The following ATG13 variants were observed in gnomAD, a reference collection of about 807,000 sequenced individuals.
ATG13 encodes autophagy related 13.
A neutral mutation model predicts 65.5 loss-of-function variants in ATG13; 23 were observed. The ratio of observed to expected loss-of-function variants is 0.35; its 90% CI spans 0.25 to 0.50. The LOEUF (loss-of-function observed/expected upper bound fraction) is 0.50, where lower values mean the gene tolerates loss of function less well. Ranked by LOEUF, ATG13 falls within the 20% of genes least tolerant of loss-of-function variation. ATG13 has a pLI of 0.98. For missense variants in ATG13, 566 were observed against 677.0 expected (o/e 0.84, Z 1.82); for synonymous variants, 252 against 245.2 (o/e 1.03, Z -0.26).
rs2064072809 is a variant in ATG13 at position 46,672,907 on chromosome 11, A to G, written c.*575A>G. On this transcript the variant is annotated 3_prime_UTR_variant, in exon 19 of 19. Transcript: ENST00000683050. ...ATGCCTGTATTTCTGGCAATATGAC[A>G]GGCCTGCCTACCCAAGATCAGAACT... 14 of 921,760 alleles carry G rather than the reference A, an allele frequency of 1.5e-5. No homozygotes were observed. In the South Asian group the frequency reaches 1.5e-4, roughly 10 times the overall value. The allele number at this position is 921,760 out of a possible 1,614,324, so 57.1% of individuals were successfully genotyped here. A position where few individuals can be genotyped will look rare whatever the true frequency, so the allele number is the denominator to read the frequency against.
chr11:46,645,750 G>A, intron 4 of ATG13, 120 bp from the exon 5 acceptor site: 1 of 1,375,610 alleles, frequency 7.3e-7, no homozygotes, highest in Non-Finnish European at 1.0e-6. Flanking sequence ...GAAGGGAGAA[G>A]TGAATGAATT....
At chr11:46,619,811 T>C (rs1342360769) in intron 1 of ATG13, among the ~76,000 whole-genome samples, 2 of 151,586 alleles carry the variant, frequency 1.3e-5, no homozygotes, top group East Asian at 4.0e-4. Flanking sequence ...AGGCGAATCA[T>C]GAGGTCAGGA....
At chr11:46,652,941 A>G (rs1000037324) in intron 7 of ATG13, among the ~76,000 whole-genome samples, 2 of 152,028 alleles carry the variant, frequency 1.3e-5, no homozygotes, top group Non-Finnish European at 2.9e-5. Flanking sequence ...TTATAAAAAA[A>G]GTTTTTTTAG....
intron 2 of ATG13, among the ~76,000 whole-genome samples, chr11:46,630,554 C>A (rs1000873542): frequency 2.1e-5 from 3 of 142,708 alleles, no homozygotes; most frequent in African/African-American, 8.1e-5. Context: ...TTGGCCTTGG[C>A]AAGAAATTAG....
rs2061992138 is a variant in ATG13, at chr11:46,665,021, T to C, written c.999+62T>C. 4.8e-6 allele frequency: 7 copies of C among 1,461,550 alleles called. No individual in the cohort carries two copies. The Admixed American group carries it at 7.1e-5, about 15-fold the overall frequency. 90.5% of individuals were successfully genotyped at this position (1,461,550 alleles called of 1,614,324 possible). A position where few individuals can be genotyped will look rare whatever the true frequency, so the allele number is the denominator to read the frequency against. ...TGCTGCCTCCCCTGCCCGGAGGCAATTGAGGGGTCTCTCAAGGCAGAGGGA... is the reference window on the plus strand; with the variant it reads ...TGCTGCCTCCCCTGCCCGGAGGCAACTGAGGGGTCTCTCAAGGCAGAGGGA... On this transcript the variant is annotated intron_variant, in intron 13 of 18. Coordinates refer to ENST00000683050, the MANE Select transcript of ATG13 (RefSeq NM_001346311.2).
chr11:46,646,122 GTT>G (rs531356814), intron 5 of ATG13, 133 bp downstream of exon 5: 2 of 1,230,610 alleles, frequency 1.6e-6, no homozygotes, highest in Admixed American at 6.1e-5. Context: ...GGGGGTCATA[GTT>G]TTTTTTGTTC....
chr11:46,662,744 A>C (rs114079126), intron 11 of ATG13, among the ~76,000 whole-genome samples: 1 of 152,210 alleles, frequency 6.6e-6, no homozygotes, highest in East Asian at 1.9e-4. Context: ...CCTGTTAATA[A>C]TGTAGTATTT....
chr11:46,638,540 A>G (rs1028721685), intron 2 of ATG13: 2 of 152,124 alleles, frequency 1.3e-5, no homozygotes, highest in African/African-American at 2.4e-5. Flanking sequence ...TATTCCTCCT[A>G]TCTAACTGTG....
chr11:46,634,032 G>T (rs2052975474), intron 2 of ATG13, among the ~76,000 whole-genome samples: 2 of 152,138 alleles, frequency 1.3e-5, no homozygotes, highest in African/African-American at 4.8e-5. Context: ...GAAAGTGTCA[G>T]CAGGCCTCTG....
At chr11:46,628,415 A>G (rs1405690564) in intron 1 of ATG13, among the ~76,000 whole-genome samples, 1 of 152,054 alleles carries the variant, frequency 6.6e-6, no homozygotes, top group Non-Finnish European at 1.5e-5. Context: ...CCTGAAAACA[A>G]AACCCCGCGT....
chr11:46,628,082 CAAAAAA>C (rs561371295), intron 1 of ATG13, among the ~76,000 whole-genome samples: 3 of 52,378 alleles, frequency 5.7e-5, no homozygotes, highest in African/African-American at 1.8e-4. Flanking sequence ...GACCTTGTCT[CAAAAAA>C]AAAAAAAAAA....
At chr11:46,643,448 T>C (rs948282031) in intron 2 of ATG13, among the ~76,000 whole-genome samples, 1 of 152,224 alleles carries the variant, frequency 6.6e-6, no homozygotes, top group East Asian at 1.9e-4. Context: ...CCATTAACAT[T>C]TTCCAACTAT....
intron 11 of ATG13, 48 bp from the exon 12 acceptor site, chr11:46,663,949 T>C (rs773266673): frequency 1.1e-4 from 116 of 1,032,424 alleles, no homozygotes; most frequent in Non-Finnish European, 1.4e-4. Flanking sequence ...CCTTTTCTTT[T>C]TTTTTTTTTT....
intron 7 of ATG13, among the ~76,000 whole-genome samples, 196 bp from the exon 8 acceptor site, chr11:46,656,037 T>A (rs2059987533): frequency 6.6e-6 from 1 of 152,202 alleles, no homozygotes; most frequent in Non-Finnish European, 1.5e-5. Flanking sequence ...TCCTTATTTT[T>A]TAACCAACCC....
At chr11:46,644,228 C>G in intron 2 of ATG13, 51 bp from the exon 3 acceptor site, 1 of 1,350,210 alleles carries the variant, frequency 7.4e-7, no homozygotes, top group Non-Finnish European at 1.0e-6. Flanking sequence ...TTTGATGTAT[C>G]AATGCCTTTT....
At chr11:46,631,844 C>T (rs900478914) in intron 2 of ATG13, among the ~76,000 whole-genome samples, 1 of 152,134 alleles carries the variant, frequency 6.6e-6, no homozygotes, top group African/African-American at 2.4e-5. Context: ...GGCATCACTG[C>T]ACTCCACCTT....
At chr11:46,636,557 CAAAAAAAAAAA>C (rs374517009) in intron 2 of ATG13, among the ~76,000 whole-genome samples, 2 of 47,302 alleles carry the variant, frequency 4.2e-5, no homozygotes, top group African/African-American at 8.0e-5. Flanking sequence ...GACTCCGTCT[CAAAAAAAAAAA>C]AAAAAAAAAA....
At chr11:46,623,367 G>C (rs117253152) in intron 1 of ATG13, among the ~76,000 whole-genome samples, 1 of 152,268 alleles carries the variant, frequency 6.6e-6, no homozygotes, top group East Asian at 1.9e-4. Flanking sequence ...TTTATGCTGG[G>C]TGAAAGTTTT....
chr11:46,656,687 T>A (rs1034494031), intron 8 of ATG13, among the ~76,000 whole-genome samples: 3 of 152,216 alleles, frequency 2.0e-5, no homozygotes, highest in Non-Finnish European at 2.9e-5. Context: ...AGGCAATTAC[T>A]TCTTAAACTG....
Sources: gnomAD v4.1 joint callset for allele counts (sites outside exome capture counted in the v4.1 genomes callset) on GRCh38, gnomAD v4.1.1 for gene constraint, MANE v1.5 for transcripts, NCBI Gene and HGNC (gene_info 2026-07-23, HGNC 2026-07-21) for gene names.